TAFA1: variants seen among roughly 807,000 people sequenced by gnomAD.
TAFA1 encodes chemokine-like protein TAFA-1.
A neutral mutation model predicts 18.5 loss-of-function variants in TAFA1; 4 were observed. The observed-to-expected ratio is 0.22, with a 90% CI of 0.11 to 0.49. The LOEUF is 0.49. Ranked by LOEUF, TAFA1 falls within the 20% of genes least tolerant of loss-of-function variation. The pLI is 0.98. For synonymous variants in TAFA1, 56 were observed against 55.2 expected (o/e 1.01, Z -0.06); for missense variants, 147 against 169.0 (o/e 0.87, Z 0.72).
rs1559637831 is a variant in TAFA1, at chr3:68,370,486, A to ATGTATATATACG, written c.119-46793_119-46792insGTATATATACGT. 1.3e-4 allele frequency among the ~76,000 whole-genome samples: 11 copies of ATGTATATATACG among 87,144 alleles called. 2 individuals are homozygous for ATGTATATATACG. The highest frequency in any genetic ancestry group is 2.6e-4 in the Admixed American group (2 of 7,714). 57.2% of individuals were successfully genotyped at this position (87,144 alleles called of 152,430 possible). ...TGTGTGTGTGTGTATATATATATAT[A>ATGTATATATACG]TATATATATATATATATATATATAT... On this transcript the variant is annotated intron_variant, in intron 2 of 4. Transcript: ENST00000478136.
At chr3:68,470,647 T>A (rs2071980403) in intron 3 of TAFA1, among the ~76,000 whole-genome samples, 1 of 152,132 alleles carries the variant, frequency 6.6e-6, no homozygotes, top group East Asian at 1.9e-4. Flanking sequence ...ACTTTGAACT[T>A]GAGGGAGTTA....
chr3:68,260,869 T>G (rs1229818144), intron 2 of TAFA1, among the ~76,000 whole-genome samples: 6 of 152,076 alleles, frequency 3.9e-5, no homozygotes, highest in Admixed American at 3.9e-4. Flanking sequence ...GGCAAGGACT[T>G]CATGTCTAAA....
At chr3:68,125,726 G>A (rs2065456434) in intron 2 of TAFA1, among the ~76,000 whole-genome samples, 2 of 152,158 alleles carry the variant, frequency 1.3e-5, no homozygotes, top group African/African-American at 4.8e-5. Context: ...AGCCACTGCT[G>A]TGGTGGGCAG....
At chr3:68,070,794 G>A (rs1258337026) in intron 2 of TAFA1, among the ~76,000 whole-genome samples, 1 of 152,124 alleles carries the variant, frequency 6.6e-6, no homozygotes, top group Non-Finnish European at 1.5e-5. Context: ...AATCTCTAGG[G>A]CATGGGCAAA....
intron 2 of TAFA1, among the ~76,000 whole-genome samples, chr3:68,026,625 T>C (rs955902283): frequency 1.5e-4 from 23 of 152,050 alleles, no homozygotes; most frequent in African/African-American, 5.6e-4. Context: ...TCCCAGTTTT[T>C]CAGATGAGGA....
intron 3 of TAFA1, among the ~76,000 whole-genome samples, chr3:68,478,414 A>C (rs1575905130): frequency 6.6e-6 from 1 of 152,322 alleles, no homozygotes; most frequent in Admixed American, 6.5e-5. Context: ...AGTGGAAATA[A>C]GAAGAAAAAA....
At chr3:68,348,592 G>T (rs1036682751) in intron 2 of TAFA1, among the ~76,000 whole-genome samples, 3 of 152,102 alleles carry the variant, frequency 2.0e-5, no homozygotes, top group African/African-American at 7.2e-5. Context: ...TAAGCTGTAA[G>T]ATCCAATTCA....
chr3:68,533,705 G>A lies in TAFA1; in HGVS notation c.260-5051G>A, dbSNP rs114289172. On this transcript the variant is annotated intron_variant, in intron 3 of 4. Transcript: ENST00000478136. ...CGATTTCTACTCCTGTCTTTGTCCT[G>A]TACCTGTGAAGATAAGCTGTTAATT... is the stretch of plus-strand genomic sequence containing the variant. Among the ~76,000 whole-genome samples the A allele has an allele frequency of 8.0e-3, 1,213 of 152,270 alleles. 15 individuals carry two copies. Among genetic ancestry groups the A allele is most frequent in the African/African-American group, 0.027 (1,126 of 41,568 alleles).
At chr3:68,070,878 C>T (rs537132591) in intron 2 of TAFA1, among the ~76,000 whole-genome samples, 4 of 152,230 alleles carry the variant, frequency 2.6e-5, no homozygotes, top group Non-Finnish European at 5.9e-5. Flanking sequence ...TCATTTCCAT[C>T]TGATAACACC....
chr3:68,081,717 G>A (rs996830997), intron 2 of TAFA1, among the ~76,000 whole-genome samples: 2 of 152,190 alleles, frequency 1.3e-5, no homozygotes, highest in African/African-American at 4.8e-5. Flanking sequence ...TCTCGTCAAA[G>A]CTGTCAGACA....
Position 68,544,576 on chromosome 3 carries a change from A to G in TAFA1, c.*73A>G, listed in dbSNP as rs2073427079. ...ATTTTGAGAATCTCAAACATCTCAC[A>G]TATATACAAGCCAAATGGATTTCTT... On this transcript the variant is annotated 3_prime_UTR_variant, in exon 5 of 5. Coordinates refer to ENST00000478136, the MANE Select transcript of TAFA1 (RefSeq NM_213609.4). 2.4e-5 allele frequency: 35 copies of G among 1,477,694 alleles called. No homozygotes were observed. The South Asian group carries it at 3.7e-4, about 16-fold the overall frequency. The allele number at this position is 1,477,694 out of a possible 1,614,324, so 91.5% of individuals were successfully genotyped here.
intron 2 of TAFA1, among the ~76,000 whole-genome samples, chr3:68,355,077 A>AT (rs1242770934): frequency 3.3e-5 from 5 of 151,788 alleles, no homozygotes; most frequent in Non-Finnish European, 5.9e-5. Flanking sequence ...CACCTTTTCC[A>AT]TTTTTTTCAC....
intron 2 of TAFA1, among the ~76,000 whole-genome samples, chr3:68,274,651 C>G (rs1333504926): frequency 1.3e-5 from 2 of 152,172 alleles, no homozygotes; most frequent in African/African-American, 4.8e-5. Flanking sequence ...ACCCATAAAT[C>G]AAATCATCAA....
At chr3:68,427,421 A>G (rs556719333) in intron 3 of TAFA1, among the ~76,000 whole-genome samples, 1 of 151,932 alleles carries the variant, frequency 6.6e-6, no homozygotes, top group African/African-American at 2.4e-5. Context: ...ATTATTTCAC[A>G]CTTCTAGGAA....
upstream of TAFA1, among the ~76,000 whole-genome samples, chr3:68,000,723 A>G (rs1158223163): frequency 6.6e-6 from 1 of 152,224 alleles, no homozygotes; most frequent in Non-Finnish European, 1.5e-5. Context: ...CAAGACAAGT[A>G]TACTTGCTAT....
intron 3 of TAFA1, among the ~76,000 whole-genome samples, chr3:68,518,852 T>C (rs2072970516): frequency 6.6e-6 from 1 of 152,168 alleles, no homozygotes; most frequent in African/African-American, 2.4e-5. Flanking sequence ...GAGACCAAAA[T>C]GTCAGATGAG....
chr3:68,487,233 C>T (rs916471898), intron 3 of TAFA1, among the ~76,000 whole-genome samples: 4 of 152,070 alleles, frequency 2.6e-5, no homozygotes, highest in Admixed American at 2.0e-4. Flanking sequence ...TAGCAAAATT[C>T]GGATGGTTCT....
chr3:68,411,957 G>A (rs1331287997), intron 2 of TAFA1, among the ~76,000 whole-genome samples: 1 of 152,130 alleles, frequency 6.6e-6, no homozygotes, highest in African/African-American at 2.4e-5. Flanking sequence ...GTCCTGTGGG[G>A]TTCCACTGTG....
chr3:68,164,943 G>C (rs73834868), intron 2 of TAFA1, among the ~76,000 whole-genome samples: 2,610 of 152,054 alleles, frequency 0.017, 85 homozygotes, highest in African/African-American at 0.059. Flanking sequence ...TTACTTAAAT[G>C]CTGTTATGTA....
Sources: gnomAD v4.1 joint callset for allele counts (sites outside exome capture counted in the v4.1 genomes callset) on GRCh38, gnomAD v4.1.1 for gene constraint, MANE v1.5 for transcripts, NCBI Gene and HGNC (gene_info 2026-07-23, HGNC 2026-07-21) for gene names.